The following DOCK8 variants were observed in gnomAD, a reference collection of about 807,000 sequenced individuals.
The protein encoded by DOCK8 is dedicator of cytokinesis 8.
DOCK8 carries 141 observed loss-of-function variants against 245.6 expected under a neutral mutation model. The ratio of observed to expected loss-of-function variants is 0.57; its 90% CI spans 0.50 to 0.66. The LOEUF is 0.66. Ranked by LOEUF, DOCK8 falls within the 30% of genes least tolerant of loss-of-function variation. DOCK8 has a pLI of 0.00. For missense variants in DOCK8, 2,965 were observed against 2,603.4 expected, an observed-to-expected ratio of 1.14 and a Z score of -3.02; for synonymous variants, 1,168 against 970.2, an observed-to-expected ratio of 1.20 and a Z score of -3.79.
chr9:250,165 C>T (rs1305055812), intron 1 of DOCK8, among the ~76,000 whole-genome samples: 1 of 152,166 alleles, frequency 6.6e-6, no homozygotes, highest in Non-Finnish European at 1.5e-5. Flanking sequence ...ATGTAGGGTT[C>T]AAGATGCGAG....
chr9:418,408 C>T (rs570259203), intron 30 of DOCK8, among the ~76,000 whole-genome samples: 9 of 152,282 alleles, frequency 5.9e-5, no homozygotes, highest in East Asian at 5.8e-4. Flanking sequence ...GGATTACAGG[C>T]GTGCACCACC....
chr9:232,675 T>C (rs1277188527), intron 1 of DOCK8, among the ~76,000 whole-genome samples: 1 of 152,214 alleles, frequency 6.6e-6, no homozygotes, highest in African/African-American at 2.4e-5. Context: ...TTTTCTAGTT[T>C]ATTTGCAAAG....
chr9:266,073 G>A lies in DOCK8; in HGVS notation c.54-5554G>A, dbSNP rs535265730. Among the ~76,000 whole-genome samples the A allele has an allele frequency of 2.1e-4, 32 of 152,198 alleles. No individual in the cohort carries two copies. The South Asian group carries it at 2.9e-3, about 14-fold the overall frequency. ...ACTGATGTCTACATATCATGAAATGGTTAAAAAGTTTAACGTGCATTGTCT... is the reference window on the plus strand; with the variant it reads ...ACTGATGTCTACATATCATGAAATGATTAAAAAGTTTAACGTGCATTGTCT... On this transcript the variant is annotated intron_variant, in intron 1 of 47. Transcript: ENST00000432829.
At chr9:376,440 A>G (rs2053518476) in intron 19 of DOCK8, 135 bp downstream of exon 19, 1 of 745,228 alleles carries the variant, frequency 1.3e-6, no homozygotes, top group Admixed American at 2.2e-5. Context: ...TTGTGGGGAC[A>G]TGCAAACCTC....
intron 33 of DOCK8, among the ~76,000 whole-genome samples, chr9:423,536 A>T (rs983575919): frequency 1.3e-5 from 2 of 152,206 alleles, no homozygotes; most frequent in Non-Finnish European, 2.9e-5. Flanking sequence ...TAATATCTTT[A>T]TTGTTACCAC....
intron 14 of DOCK8, among the ~76,000 whole-genome samples, chr9:351,952 A>G (rs1260063557): frequency 6.6e-6 from 1 of 152,214 alleles, no homozygotes; most frequent in African/African-American, 2.4e-5. Context: ...GCATTTACCT[A>G]ATCAATGATT....
intron 2 of DOCK8, among the ~76,000 whole-genome samples, chr9:282,825 G>A (rs566677754): frequency 1.1e-4 from 16 of 152,014 alleles, no homozygotes; most frequent in Admixed American, 3.9e-4. Flanking sequence ...CTAGTTTTAC[G>A]GCTCATGTCA....
intron 4 of DOCK8, among the ~76,000 whole-genome samples, chr9:295,340 G>T (rs1161965115): frequency 1.3e-5 from 2 of 152,122 alleles, no homozygotes; most frequent in Non-Finnish European, 2.9e-5. Context: ...GTGGTGCTGG[G>T]ACTGTAGTGC....
At chr9:346,129 G>A (rs1223232868) in intron 14 of DOCK8, among the ~76,000 whole-genome samples, 2 of 151,882 alleles carry the variant, frequency 1.3e-5, no homozygotes, top group Non-Finnish European at 2.9e-5. Context: ...ACAAGCAGAA[G>A]GACAGCAATT....
chr9:284,835 G>A (rs1275036804), intron 2 of DOCK8, among the ~76,000 whole-genome samples: 2 of 152,074 alleles, frequency 1.3e-5, no homozygotes, highest in Admixed American at 6.6e-5. Flanking sequence ...GCAAACTAAC[G>A]CAGAAATAGA....
chr9:235,834 T>C (rs2047232454), intron 1 of DOCK8, among the ~76,000 whole-genome samples: 1 of 152,204 alleles, frequency 6.6e-6, no homozygotes, highest in African/African-American at 2.4e-5. Context: ...GGGAATTCCC[T>C]GACCCCTTGC....
At chr9:351,384 A>G (rs2052159884) in intron 14 of DOCK8, among the ~76,000 whole-genome samples, 2 of 152,174 alleles carry the variant, frequency 1.3e-5, no homozygotes, top group Non-Finnish European at 2.9e-5. Context: ...ATGGCTGGAA[A>G]AGGGCCCCAG....
chr9:445,364 T>C (rs4741936), intron 43 of DOCK8, among the ~76,000 whole-genome samples: 117,198 of 152,182 alleles, frequency 0.77, 45,835 homozygotes, highest in East Asian at 0.99. Flanking sequence ...GTGACCCCAC[T>C]CATCCCTTTC....
At chr9:340,972 T>A (rs957681576) in intron 14 of DOCK8, among the ~76,000 whole-genome samples, 1 of 152,210 alleles carries the variant, frequency 6.6e-6, no homozygotes, top group Admixed American at 6.5e-5. Context: ...CAAAATGTGC[T>A]AGTTGTCAAA....
At chr9:309,389 A>G (rs1166288784) in intron 5 of DOCK8, among the ~76,000 whole-genome samples, 1 of 152,222 alleles carries the variant, frequency 6.6e-6, no homozygotes, top group Non-Finnish European at 1.5e-5. Context: ...AAAAATGTGT[A>G]GTATGGAGAA....
chr9:348,242 A>G (rs1340033491), intron 14 of DOCK8, among the ~76,000 whole-genome samples: 1 of 152,168 alleles, frequency 6.6e-6, no homozygotes, highest in African/African-American at 2.4e-5. Flanking sequence ...CTTACTATAC[A>G]TATTTACACA....
chr9:372,481 G>A (rs546203377), intron 18 of DOCK8, among the ~76,000 whole-genome samples, 195 bp downstream of exon 18: 2 of 152,308 alleles, frequency 1.3e-5, no homozygotes, highest in South Asian at 4.1e-4. Context: ...AGAATGTTCA[G>A]TAGACGCAAC....
Position 296,297 on chromosome 9 carries a change from C to T in DOCK8, c.404+6716C>T, listed in dbSNP as rs116929265. 3.8e-3 allele frequency among the ~76,000 whole-genome samples: 582 copies of T among 152,276 alleles called. 3 individuals carry two copies. Among genetic ancestry groups the T allele is most frequent in the Non-Finnish European group, 5.8e-3 (393 of 68,012 alleles). On this transcript the variant is annotated intron_variant, in intron 4 of 47. Transcript: ENST00000432829. ...TTAACGATTTTAAGCTTTATTTCTT[C>T]TGTCATTTTCTCTAAATGAACCAAA...
chr9:215,015 G>T lies in DOCK8; in HGVS notation c.39G>T (p.Ala13=). The T allele has an allele frequency of 6.3e-7, 1 of 1,591,170 alleles. No individual in the cohort carries two copies. The highest frequency in any genetic ancestry group is 1.7e-5 in the Admixed American group (1 of 58,716). Reference sequence around the variant, plus strand: ...CGAGCGCAGAGCGCCGCGCGTTCGCGCTCAAGATCAACAGGTAAGACGCCC... The same window carrying T: ...CGAGCGCAGAGCGCCGCGCGTTCGCTCTCAAGATCAACAGGTAAGACGCCC... ...TLPSAERRAF[A]LKINRYSSAE... Residue 13 remains alanine (A), a synonymous_variant, in exon 1 of 48, where the codon GCG becomes GCT. Coordinates refer to ENST00000432829, the MANE Select transcript of DOCK8 (RefSeq NM_203447.4).
Sources: gnomAD v4.1 joint callset for allele counts (sites outside exome capture counted in the v4.1 genomes callset) on GRCh38, gnomAD v4.1.1 for gene constraint, MANE v1.5 for transcripts, NCBI Gene and HGNC (gene_info 2026-07-23, HGNC 2026-07-21) for gene names.